Variants in GULP1 observed in about 807,000 individuals in gnomAD.
GULP1 encodes GULP PTB domain containing engulfment adaptor 1.
GULP1 carries 19 observed loss-of-function variants against 40.9 expected under a neutral mutation model. The observed-to-expected ratio is 0.46, with a 90% CI of 0.32 to 0.68. The LOEUF (loss-of-function observed/expected upper bound fraction) is 0.68, where lower values mean the gene tolerates loss of function less well. GULP1 is among the 30% of genes least tolerant of loss of function. The pLI is 0.03. For synonymous variants in GULP1, 119 were observed against 117.6 expected (o/e 1.01, Z -0.08); for missense variants, 312 against 362.2 (o/e 0.86, Z 1.12).
chr2:188,338,553 C>T (rs2042577763), intron 1 of GULP1, among the ~76,000 whole-genome samples: 2 of 152,112 alleles, frequency 1.3e-5, no homozygotes, highest in Non-Finnish European at 2.9e-5. Context: ...AACCCTCCCA[C>T]CTCGGCCCTT....
At chr2:188,507,833 C>T (rs1282175764) in intron 4 of GULP1, among the ~76,000 whole-genome samples, 1 of 151,848 alleles carries the variant, frequency 6.6e-6, no homozygotes, top group Non-Finnish European at 1.5e-5. Flanking sequence ...AGAGTCAAGG[C>T]TCATTTCAAA....
At chr2:188,508,793 T>G (rs771904767) in intron 4 of GULP1, among the ~76,000 whole-genome samples, 1 of 152,054 alleles carries the variant, frequency 6.6e-6, no homozygotes, top group South Asian at 2.1e-4. Flanking sequence ...AACCAAATAA[T>G]ACACACCTGG....
chr2:188,554,198 T>G (rs1413036686), intron 7 of GULP1, among the ~76,000 whole-genome samples: 1 of 151,994 alleles, frequency 6.6e-6, no homozygotes, highest in African/African-American at 2.4e-5. Context: ...TGGGTTGGTT[T>G]GTTCTTACTT....
intron 1 of GULP1, among the ~76,000 whole-genome samples, chr2:188,303,187 A>G (rs1422229288): frequency 1.3e-5 from 2 of 152,098 alleles, no homozygotes; most frequent in Non-Finnish European, 2.9e-5. Flanking sequence ...CAGTATGCAT[A>G]TTGGTTTTTG....
At chr2:188,386,140 A>T (rs1030480181) in intron 2 of GULP1, among the ~76,000 whole-genome samples, 1 of 152,196 alleles carries the variant, frequency 6.6e-6, no homozygotes, top group African/African-American at 2.4e-5. Context: ...AAGCAGTTTA[A>T]TGGACTTACA....
chr2:188,310,022 A>C (rs2037799508), intron 1 of GULP1, among the ~76,000 whole-genome samples: 1 of 152,060 alleles, frequency 6.6e-6, no homozygotes, highest in South Asian at 2.1e-4. Context: ...TTTAAAGTAA[A>C]CCTTCTATAT....
chr2:188,444,406 T>A (rs2058208252), intron 2 of GULP1, among the ~76,000 whole-genome samples: 1 of 152,202 alleles, frequency 6.6e-6, no homozygotes, highest in Non-Finnish European at 1.5e-5. Context: ...TCTGTCAATT[T>A]AACTATTAAA....
chr2:188,449,697 G>A (rs1037144568), intron 2 of GULP1, among the ~76,000 whole-genome samples: 3 of 152,120 alleles, frequency 2.0e-5, no homozygotes, highest in Non-Finnish European at 4.4e-5. Context: ...AGATTGTAAA[G>A]AATTCCCATT....
chr2:188,463,911 CTG>C (rs1479702239), intron 2 of GULP1, among the ~76,000 whole-genome samples: 1 of 151,984 alleles, frequency 6.6e-6, no homozygotes, highest in Non-Finnish European at 1.5e-5. Context: ...AATTCCTTCT[CTG>C]TGTTATCTTG....
At chr2:188,529,876 A>G (rs77537661) in intron 6 of GULP1, among the ~76,000 whole-genome samples, 3,201 of 152,270 alleles carry the variant, frequency 0.021, 104 homozygotes, top group African/African-American at 0.073. Context: ...GTTTGAAGAA[A>G]AACTAGACAA....
intron 9 of GULP1, among the ~76,000 whole-genome samples, chr2:188,583,438 C>A (rs533557894): frequency 6.6e-6 from 1 of 152,140 alleles, no homozygotes; most frequent in African/African-American, 2.4e-5. Context: ...TGGAAATTCT[C>A]TTTTATCCCT....
At chr2:188,582,920 G>GA in intron 9 of GULP1, among the ~76,000 whole-genome samples, 1 of 152,150 alleles carries the variant, frequency 6.6e-6, no homozygotes, top group Admixed American at 6.5e-5. Flanking sequence ...TCTTAGGACA[G>GA]AAAGTGTAGT....
At chr2:188,364,888 A>G (rs2046571843) in intron 1 of GULP1, among the ~76,000 whole-genome samples, 1 of 149,794 alleles carries the variant, frequency 6.7e-6, no homozygotes, top group Non-Finnish European at 1.5e-5. Context: ...ACACACACAC[A>G]CGTATATACA....
chr2:188,466,444 A>ATTTTT (rs60944877), intron 2 of GULP1: 9 of 118,200 alleles, frequency 7.6e-5, no homozygotes, highest in African/African-American at 9.5e-5. Flanking sequence ...TGCCCAGCTA[A>ATTTTT]TTTTTTTTTT....
At chr2:188,379,495 G>A (rs2048735322) in intron 1 of GULP1, among the ~76,000 whole-genome samples, 1 of 152,134 alleles carries the variant, frequency 6.6e-6, no homozygotes, top group Admixed American at 6.5e-5. Flanking sequence ...AGTCTATTTT[G>A]CATTAGCATC....
At chr2:188,584,204 TATTTAGCATTACA>T (rs71020755) in intron 9 of GULP1, 48 bp from the exon 10 acceptor site, 249,737 of 1,149,076 alleles carry the variant, frequency 0.22, 26,881 homozygotes, top group Non-Finnish European at 0.26. Flanking sequence ...GCATATGAAA[TATTTAGCATTACA>T]ATGTGTCTAT....
At position 188,569,365 on chromosome 2, in the gene GULP1, C is replaced by G. The variant is rs1312060231; in HGVS notation, c.516+10C>G. 1 of 1,251,350 alleles carries G rather than the reference C, an allele frequency of 8.0e-7. No individual in the cohort carries two copies. 77.5% of individuals were successfully genotyped at this position (1,251,350 alleles called of 1,614,324 possible). A position where few individuals can be genotyped will look rare whatever the true frequency, so the allele number is the denominator to read the frequency against. ...AGGGTTACAAAAAAGAGTGAGTAAA[C>G]TAAGCTTGTTGTTTTACATTTGTGT... On this transcript the variant is annotated intron_variant, in intron 8 of 11. Coordinates refer to ENST00000409830, the MANE Select transcript of GULP1 (RefSeq NM_016315.4).
intron 2 of GULP1, among the ~76,000 whole-genome samples, chr2:188,422,666 A>G (rs2055612360): frequency 6.6e-6 from 1 of 152,092 alleles, no homozygotes; most frequent in Non-Finnish European, 1.5e-5. Flanking sequence ...TTTTGATACA[A>G]TTTTTAAAAT....
At chr2:188,480,860 C>A (rs2061396805) in intron 3 of GULP1, among the ~76,000 whole-genome samples, 2 of 151,766 alleles carry the variant, frequency 1.3e-5, no homozygotes, top group Non-Finnish European at 1.5e-5. Flanking sequence ...AAATGCACAG[C>A]ACTTAAAATT....
Sources: allele counts gnomAD v4.1 joint callset (sites outside exome capture counted in the v4.1 genomes callset), GRCh38; gene constraint gnomAD v4.1.1; transcripts MANE v1.5; gene names NCBI Gene and HGNC (gene_info 2026-07-23, HGNC 2026-07-21).